The following BCL2L13 variants were observed in gnomAD, a reference collection of about 807,000 sequenced individuals.
BCL2L13 encodes bcl-2-like protein 13.
A neutral mutation model predicts 25.8 loss-of-function variants in BCL2L13; 13 were observed. The ratio of observed to expected loss-of-function variants is 0.50; its 90% CI spans 0.33 to 0.80. The LOEUF (loss-of-function observed/expected upper bound fraction) is 0.80, where lower values mean the gene tolerates loss of function less well. BCL2L13 is among the 30% of genes least tolerant of loss of function. The pLI is 0.02. For synonymous variants in BCL2L13, 244 were observed against 230.3 expected, an observed-to-expected ratio of 1.06 and a Z score of -0.54; for missense variants, 504 against 574.9, an observed-to-expected ratio of 0.88 and a Z score of 1.26.
At chr22:17,656,954 G>A (rs2058891922) in intron 2 of BCL2L13, among the ~76,000 whole-genome samples, 1 of 152,160 alleles carries the variant, frequency 6.6e-6, no homozygotes, top group African/African-American at 2.4e-5. Flanking sequence ...AAGGAGCTGG[G>A]ACTATAGGCG....
chr22:17,713,956 C>T (rs1601764096), intron 6 of BCL2L13, among the ~76,000 whole-genome samples: 1 of 151,578 alleles, frequency 6.6e-6, no homozygotes, highest in East Asian at 2.0e-4. Flanking sequence ...GCCTGGCCAA[C>T]ACCATGGTGA....
At chr22:17,636,414 C>T (rs1464889060), upstream of BCL2L13, among the ~76,000 whole-genome samples, 4 of 151,562 alleles carry the variant, frequency 2.6e-5, no homozygotes, top group Non-Finnish European at 5.9e-5. Flanking sequence ...CAATTGTGAG[C>T]CCAGGAGGTC....
chr22:17,645,053 C>T (rs767937854), intron 1 of BCL2L13, among the ~76,000 whole-genome samples: 36 of 150,690 alleles, frequency 2.4e-4, no homozygotes, highest in Admixed American at 9.2e-4. Flanking sequence ...TCGTGATCCA[C>T]CCACCTCGGC....
chr22:17,717,305 T>C (rs1165126594), intron 6 of BCL2L13, among the ~76,000 whole-genome samples: 1 of 150,242 alleles, frequency 6.7e-6, no homozygotes, highest in African/African-American at 2.5e-5. Flanking sequence ...CCATCTTCAG[T>C]GAAAATACAA....
In BCL2L13 at chr22:17,702,192, CATT is replaced by C. The variant is rs1193231064; in HGVS notation, c.457-48_457-46del. ...TTCTAGTAGTTGAACATATAAAACA[CATT>C]ATAAGAATTTCAGTGTGGTTTTTTA... On this transcript the variant is annotated intron_variant, in intron 5 of 6. Coordinates refer to ENST00000317582, the MANE Select transcript of BCL2L13 (RefSeq NM_015367.4). 4.2e-6 allele frequency: 6 copies of C among 1,420,388 alleles called. No individual in the cohort carries two copies. The East Asian group carries it at 9.8e-5, about 23-fold the overall frequency. 88.0% of individuals were successfully genotyped at this position (1,420,388 alleles called of 1,614,324 possible).
At chr22:17,716,089 T>C (rs1210654373) in intron 6 of BCL2L13, among the ~76,000 whole-genome samples, 1 of 152,186 alleles carries the variant, frequency 6.6e-6, no homozygotes, top group Non-Finnish European at 1.5e-5. Flanking sequence ...CTAATACATG[T>C]GAAAAAATTA....
intron 6 of BCL2L13, among the ~76,000 whole-genome samples, chr22:17,717,814 T>C (rs2060990995): frequency 6.6e-6 from 1 of 152,098 alleles, no homozygotes; most frequent in Admixed American, 6.6e-5. Flanking sequence ...AGGCCAGGCG[T>C]GGTGGCTCAC....
rs987821296 is a variant in BCL2L13, at chr22:17,730,694, A to T, written c.*3160A>T. 10 of 152,192 alleles carry T rather than the reference A, an allele frequency of 6.6e-5. No individual in the cohort carries two copies. The highest frequency in any genetic ancestry group is 2.4e-4 in the African/African-American group (10 of 41,432). The allele number at this position is 152,192 out of a possible 1,614,324, so 9.4% of individuals were successfully genotyped here. A position where few individuals can be genotyped will look rare whatever the true frequency, so the allele number is the denominator to read the frequency against. On this transcript the variant is annotated 3_prime_UTR_variant, in exon 7 of 7. Transcript: ENST00000317582. ...TTTCCAAGAATTTGAGGTGGTGATC[A>T]TACCCATCAAGACGGCCTTGTAGGC...
At chr22:17,717,924 A>G (rs1455191457) in intron 6 of BCL2L13, among the ~76,000 whole-genome samples, 1 of 152,168 alleles carries the variant, frequency 6.6e-6, no homozygotes, top group Non-Finnish European at 1.5e-5. Context: ...CTGTCTCTAC[A>G]AAAAATGTAA....
chr22:17,641,463 T>C (rs1436662704), intron 1 of BCL2L13, among the ~76,000 whole-genome samples: 2 of 152,120 alleles, frequency 1.3e-5, no homozygotes, highest in Non-Finnish European at 2.9e-5. Context: ...GGGAGGCACA[T>C]GTCATGCATT....
chr22:17,655,768 TCTCAGCTA>T lies in BCL2L13; in HGVS notation c.60_67del (p.Ser21GlyfsTer37). On this transcript the variant is annotated frameshift_variant, in exon 2 of 7. Transcript: ENST00000317582. LOFTEE classifies it high-confidence loss of function. ...TTCACTATGAAACAAAGTATGTTGT[TCTCAGCTA>T]CTTGGGACTCCTCTCTCAAGAGAAG... is the stretch of plus-strand genomic sequence containing the variant. 6.2e-7 allele frequency: 1 copy of T among 1,613,800 alleles called. No homozygotes were observed. The highest frequency in any genetic ancestry group is 1.1e-5 in the South Asian group (1 of 91,010).
At chr22:17,698,402 A>G (rs1167268601) in intron 5 of BCL2L13, among the ~76,000 whole-genome samples, 1 of 151,666 alleles carries the variant, frequency 6.6e-6, no homozygotes, top group Non-Finnish European at 1.5e-5. Flanking sequence ...GGCATGAGCC[A>G]CCCTACCTGG....
chr22:17,646,782 C>T (rs936521672), intron 1 of BCL2L13, among the ~76,000 whole-genome samples: 1 of 119,846 alleles, frequency 8.3e-6, no homozygotes, highest in African/African-American at 3.3e-5. Flanking sequence ...TGCAGTTGTG[C>T]AATCTCAGCT....
At chr22:17,671,241 A>G (rs1379254807) in intron 2 of BCL2L13, among the ~76,000 whole-genome samples, 1 of 151,990 alleles carries the variant, frequency 6.6e-6, no homozygotes, top group Non-Finnish European at 1.5e-5. Flanking sequence ...AAAAATACAA[A>G]AAATTAGGTG....
At chr22:17,680,757 C>T (rs746945361) in intron 2 of BCL2L13, among the ~76,000 whole-genome samples, 9 of 152,038 alleles carry the variant, frequency 5.9e-5, no homozygotes, top group African/African-American at 1.4e-4. Flanking sequence ...GGCAGATAAG[C>T]GTCTTTCTGG....
In BCL2L13 at chr22:17,647,854, C is replaced by T. The variant is rs111399558; in HGVS notation, c.-50-7808C>T. ...TTAGAAATGCCAAAGTCCCTCCGGGCGCAGTGGCTCACGCCTGTAATCCTA... is the reference window on the plus strand; with the variant it reads ...TTAGAAATGCCAAAGTCCCTCCGGGTGCAGTGGCTCACGCCTGTAATCCTA... On this transcript the variant is annotated intron_variant, in intron 1 of 6. Coordinates refer to ENST00000317582, the MANE Select transcript of BCL2L13 (RefSeq NM_015367.4). Among the ~76,000 whole-genome samples, 301 of 152,210 alleles carry T rather than the reference C, an allele frequency of 2.0e-3. 3 individuals carry two copies. Among genetic ancestry groups the T allele is most frequent in the African/African-American group, 6.5e-3 (271 of 41,544 alleles).
Position 17,694,516 on chromosome 22 carries a change from A to T in BCL2L13, c.387-1625A>T, listed in dbSNP as rs557369496. Among the ~76,000 whole-genome samples, 731 of 151,722 alleles carry T rather than the reference A, an allele frequency of 4.8e-3. 12 individuals carry two copies. Among genetic ancestry groups the T allele is most frequent in the South Asian group, 0.013 (63 of 4,778 alleles). On this transcript the variant is annotated intron_variant, in intron 4 of 6. Coordinates refer to ENST00000317582, the MANE Select transcript of BCL2L13 (RefSeq NM_015367.4). Reference sequence around the variant, plus strand: ...ATAGGTGACTCCATTTAAAAAAAAAAATTTTTTTTTAATTTTTAGTCTTGC... The same window carrying T: ...ATAGGTGACTCCATTTAAAAAAAAATATTTTTTTTTAATTTTTAGTCTTGC...
At position 17,672,186 on chromosome 22, in the gene BCL2L13, T is replaced by C. The variant is rs112572140; in HGVS notation, c.122-11028T>C. Among the ~76,000 whole-genome samples, 643 of 152,354 alleles carry C rather than the reference T, an allele frequency of 4.2e-3. 7 individuals are homozygous for C. The highest frequency in any genetic ancestry group is 0.015 in the African/African-American group (618 of 41,580). On this transcript the variant is annotated intron_variant, in intron 2 of 6. Coordinates refer to ENST00000317582, the MANE Select transcript of BCL2L13 (RefSeq NM_015367.4). Reference sequence around the variant, plus strand: ...TCGCAAGGCTAATTGCCTGAATACTTGCTAAAACAAAGATCATGGAGCTCT... The same window carrying C: ...TCGCAAGGCTAATTGCCTGAATACTCGCTAAAACAAAGATCATGGAGCTCT...
chr22:17,717,119 C>T (rs1007262475), intron 6 of BCL2L13, among the ~76,000 whole-genome samples: 12 of 152,114 alleles, frequency 7.9e-5, no homozygotes, highest in African/African-American at 2.9e-4. Context: ...GCTTTTCCTT[C>T]TGCCTGGAAT....
Sources: gnomAD v4.1 joint callset for allele counts (sites outside exome capture counted in the v4.1 genomes callset) on GRCh38, gnomAD v4.1.1 for gene constraint, MANE v1.5 for transcripts, NCBI Gene and HGNC (gene_info 2026-07-23, HGNC 2026-07-21) for gene names.